The following FGF13 variants were observed in gnomAD, a reference collection of about 807,000 sequenced individuals.
FGF13 encodes fibroblast growth factor homologous factor 2.
In FGF13, 2 loss-of-function variants were observed where a neutral mutation model predicts 19.5. That is an observed-to-expected ratio of 0.10 (90% CI 0.04 to 0.32). The LOEUF (loss-of-function observed/expected upper bound fraction) is 0.32, where lower values mean the gene tolerates loss of function less well. Ranked by LOEUF, FGF13 falls within the 10% of genes least tolerant of loss-of-function variation. FGF13 has a pLI of 1.00. For missense variants in FGF13, 113 were observed against 192.7 expected (o/e 0.59, Z 2.45); for synonymous variants, 72 against 76.9 (o/e 0.94, Z 0.33).
At chrX:138,680,466 G>T (rs2089716791) in intron 3 of FGF13, among the ~76,000 whole-genome samples, 1 of 111,880 alleles carries the variant, frequency 8.9e-6, no homozygotes, top group South Asian at 3.8e-4. Context: ...CTGCAAAATG[G>T]ATGTTGTGCT....
At chrX:139,162,776 C>A (rs2084046240) in intron 1 of FGF13, among the ~76,000 whole-genome samples, 1 of 111,942 alleles carries the variant, frequency 8.9e-6, no homozygotes, top group African/African-American at 3.3e-5. Context: ...ATGTGACCAA[C>A]AAACATATGA....
chrX:139,128,652 G>T (rs1024198091), intron 1 of FGF13, among the ~76,000 whole-genome samples: 1 of 112,260 alleles, frequency 8.9e-6, no homozygotes, highest in Non-Finnish European at 1.9e-5. Context: ...AGTCTGCTTC[G>T]ACTTCCTCAT....
At chrX:138,776,790 G>A in intron 3 of FGF13, among the ~76,000 whole-genome samples, 1 of 111,550 alleles carries the variant, frequency 9.0e-6, no homozygotes, top group East Asian at 2.8e-4. Context: ...ACCTCGCTCT[G>A]TTGACTCTCC....
At chrX:138,816,692 C>T (rs1224308900) in intron 3 of FGF13, among the ~76,000 whole-genome samples, 1 of 112,495 alleles carries the variant, frequency 8.9e-6, no homozygotes, top group Non-Finnish European at 1.9e-5. Flanking sequence ...CGCATGAGGC[C>T]CAGGACAGCT....
intron 1 of FGF13, among the ~76,000 whole-genome samples, chrX:138,974,394 T>A (rs776402293): frequency 9.0e-6 from 1 of 111,667 alleles, no homozygotes; most frequent in South Asian, 3.8e-4. Context: ...AGTGGAGCTC[T>A]CTGGCTGGTG....
At chrX:138,962,190 G>A (rs759123134) in intron 1 of FGF13, among the ~76,000 whole-genome samples, 35 of 112,325 alleles carry the variant, frequency 3.1e-4, no homozygotes, top group African/African-American at 1.1e-3. Flanking sequence ...CGAAGGATAT[G>A]AACAGACTCT....
chrX:138,667,040 T>C (rs2089554763), intron 3 of FGF13, among the ~76,000 whole-genome samples: 1 of 108,782 alleles, frequency 9.2e-6, no homozygotes, highest in African/African-American at 3.3e-5. Context: ...CAAATGTACA[T>C]ATATATCTTT....
chrX:139,057,010 AC>A (rs2092322220), intron 1 of FGF13, among the ~76,000 whole-genome samples: 1 of 111,813 alleles, frequency 8.9e-6, no homozygotes, highest in Non-Finnish European at 1.9e-5. Flanking sequence ...AGACTTGCCC[AC>A]TAGGCCCATG....
intron 1 of FGF13, among the ~76,000 whole-genome samples, chrX:138,888,746 A>G (rs1388226519): frequency 9.0e-6 from 1 of 111,239 alleles, no homozygotes; most frequent in Non-Finnish European, 1.9e-5. Context: ...ATGAGTCAGC[A>G]GCACCCTTTA....
intron 1 of FGF13, among the ~76,000 whole-genome samples, chrX:138,927,583 C>T (rs1417531477): frequency 8.9e-6 from 1 of 112,289 alleles, no homozygotes; most frequent in Admixed American, 9.4e-5. Flanking sequence ...CTTGAATTCC[C>T]CACAGACTTA....
At chrX:139,045,089 G>A (rs898337828) in intron 1 of FGF13, among the ~76,000 whole-genome samples, 2 of 112,499 alleles carry the variant, frequency 1.8e-5, no homozygotes, top group African/African-American at 6.5e-5. Flanking sequence ...CTAAGTGGAG[G>A]CTGCCAAGCA....
intron 3 of FGF13, among the ~76,000 whole-genome samples, chrX:138,790,276 T>C (rs2090732486): frequency 9.3e-6 from 1 of 107,979 alleles, no homozygotes; most frequent in African/African-American, 3.4e-5. Context: ...TAGCCTCTTC[T>C]CATAAAGGCA....
chrX:139,047,672 A>G (rs556358734), intron 1 of FGF13, among the ~76,000 whole-genome samples: 1 of 112,042 alleles, frequency 8.9e-6, no homozygotes, highest in Admixed American at 9.5e-5. Flanking sequence ...ATTAGCATTA[A>G]CTGCCTGTAA....
chrX:138,770,700 A>T (rs1161360491), intron 3 of FGF13, among the ~76,000 whole-genome samples: 1 of 111,993 alleles, frequency 8.9e-6, no homozygotes, highest in Non-Finnish European at 1.9e-5. Context: ...CTGCATTCCC[A>T]GAACTTAATG....
chrX:138,947,321 A>G (rs997698392), intron 1 of FGF13, among the ~76,000 whole-genome samples: 1 of 111,539 alleles, frequency 9.0e-6, no homozygotes, highest in African/African-American at 3.3e-5. Context: ...TTCCAGATAA[A>G]GGATGCATGA....
chrX:139,181,588 A>C (rs1406702194), intron 1 of FGF13, among the ~76,000 whole-genome samples: 1 of 112,522 alleles, frequency 8.9e-6, no homozygotes, highest in Non-Finnish European at 1.9e-5. Flanking sequence ...TGAAAGAGAA[A>C]TCTGCCCAGC....
At chrX:139,183,978 T>A (rs1482349620) in intron 1 of FGF13, among the ~76,000 whole-genome samples, 2 of 111,689 alleles carry the variant, frequency 1.8e-5, no homozygotes, top group East Asian at 5.7e-4. Flanking sequence ...CTTTCAGGAG[T>A]CAAATGGTCT....
intron 1 of FGF13, among the ~76,000 whole-genome samples, chrX:139,043,572 T>C (rs1216498258): frequency 9.0e-6 from 1 of 110,878 alleles, no homozygotes. Context: ...CTCAACAAGT[T>C]AAACATAGAA....
chrX:139,193,525 A>G (rs2084348570), intron 1 of FGF13, among the ~76,000 whole-genome samples: 1 of 111,403 alleles, frequency 9.0e-6, no homozygotes, highest in African/African-American at 3.3e-5. Flanking sequence ...GCCCATGGAG[A>G]TTGCCAGATG....
Sources: allele counts gnomAD v4.1 joint callset (sites outside exome capture counted in the v4.1 genomes callset), GRCh38; gene constraint gnomAD v4.1.1; transcripts MANE v1.5; gene names NCBI Gene and HGNC (gene_info 2026-07-23, HGNC 2026-07-21).